The following BMP5 variants were observed in gnomAD, a reference collection of about 807,000 sequenced individuals.
BMP5 encodes bone morphogenetic protein 5.
BMP5 carries 23 observed loss-of-function variants against 46.6 expected under a neutral mutation model. That is an observed-to-expected ratio of 0.49 (90% CI 0.35 to 0.70). The LOEUF (loss-of-function observed/expected upper bound fraction) is 0.70. Among genes scored for constraint, BMP5 ranks in the 30% least tolerant of loss-of-function variants. BMP5 has a pLI of 0.00. For synonymous variants in BMP5, 204 were observed against 191.9 expected, an observed-to-expected ratio of 1.06 and a Z score of -0.52; for missense variants, 545 against 565.6, an observed-to-expected ratio of 0.96 and a Z score of 0.37.
At chr6:55,805,865 T>C (rs1386366794) in intron 2 of BMP5, among the ~76,000 whole-genome samples, 1 of 152,228 alleles carries the variant, frequency 6.6e-6, no homozygotes, top group Non-Finnish European at 1.5e-5. Flanking sequence ...CATAAATGTC[T>C]TCTTTTGAGA....
intron 1 of BMP5, among the ~76,000 whole-genome samples, chr6:55,832,147 C>A (rs1012696775): frequency 6.6e-6 from 1 of 152,200 alleles, no homozygotes; most frequent in Non-Finnish European, 1.5e-5. Flanking sequence ...ACAAGTAGCT[C>A]TCCTGACATG....
chr6:55,851,019 G>A (rs1777229687), intron 1 of BMP5, among the ~76,000 whole-genome samples: 1 of 152,062 alleles, frequency 6.6e-6, no homozygotes, highest in Admixed American at 6.6e-5. Context: ...CTAACAGACT[G>A]AATTTCTTAA....
chr6:55,767,240 C>T (rs894305065), intron 4 of BMP5, among the ~76,000 whole-genome samples: 8 of 151,858 alleles, frequency 5.3e-5, no homozygotes, highest in Admixed American at 3.9e-4. Context: ...ATCCTGTGAC[C>T]ACAGGTATGA....
chr6:55,837,353 A>AGATAGAT (rs1776833029), intron 1 of BMP5, among the ~76,000 whole-genome samples: 1 of 149,048 alleles, frequency 6.7e-6, no homozygotes, highest in African/African-American at 2.5e-5. Context: ...ATAGATAGAT[A>AGATAGAT]GATAGATAGA....
intron 2 of BMP5, among the ~76,000 whole-genome samples, chr6:55,806,544 C>G (rs1775994096): frequency 6.6e-6 from 1 of 152,134 alleles, no homozygotes; most frequent in Non-Finnish European, 1.5e-5. Flanking sequence ...AATGTCTTGG[C>G]TCTACAGACT....
chr6:55,783,859 A>T (rs1582061795), intron 3 of BMP5, among the ~76,000 whole-genome samples: 1 of 151,996 alleles, frequency 6.6e-6, no homozygotes, highest in African/African-American at 2.4e-5. Context: ...ACAGAAATAC[A>T]GATGTAGCCA....
chr6:55,798,282 G>C (rs558430548), intron 2 of BMP5, among the ~76,000 whole-genome samples: 13 of 152,258 alleles, frequency 8.5e-5, no homozygotes, highest in African/African-American at 2.6e-4. Flanking sequence ...TTCAACATCG[G>C]GGGAGAGGGC....
intron 1 of BMP5, among the ~76,000 whole-genome samples, chr6:55,854,464 A>G (rs1777336437): frequency 6.6e-6 from 1 of 151,906 alleles, no homozygotes; most frequent in South Asian, 2.1e-4. Context: ...TTCTTATTTT[A>G]TTGGCATTCA....
intron 2 of BMP5, among the ~76,000 whole-genome samples, chr6:55,812,852 T>A (rs922429075): frequency 1.1e-4 from 16 of 152,220 alleles, no homozygotes; most frequent in Non-Finnish European, 1.9e-4. Flanking sequence ...CAAATTGAAA[T>A]TCCATTTTAA....
At chr6:55,809,629 A>G (rs1011857826) in intron 2 of BMP5, among the ~76,000 whole-genome samples, 1 of 152,080 alleles carries the variant, frequency 6.6e-6, no homozygotes, top group Admixed American at 6.5e-5. Context: ...ACATATATAT[A>G]TGGAGAGAGA....
intron 4 of BMP5, among the ~76,000 whole-genome samples, chr6:55,763,755 A>G (rs1043831495): frequency 2.0e-5 from 3 of 152,170 alleles, no homozygotes; most frequent in Non-Finnish European, 2.9e-5. Context: ...TGTTATCAAT[A>G]ATATTTCTCT....
chr6:55,821,028 A>C (rs938774704), intron 1 of BMP5, among the ~76,000 whole-genome samples: 1 of 152,170 alleles, frequency 6.6e-6, no homozygotes, highest in Admixed American at 6.6e-5. Flanking sequence ...AAAATTGGAA[A>C]TCTTTAGAAG....
chr6:55,755,830 G>A, intron 6 of BMP5, 148 bp from the exon 7 acceptor site: 2 of 766,988 alleles, frequency 2.6e-6, no homozygotes, highest in Non-Finnish European at 4.3e-6. Flanking sequence ...ACTGGGGTGG[G>A]GGACTGAAGG....
chr6:55,801,944 C>T (rs1401569083), intron 2 of BMP5, among the ~76,000 whole-genome samples: 2 of 152,194 alleles, frequency 1.3e-5, no homozygotes, highest in African/African-American at 4.8e-5. Context: ...TTTGAAGACT[C>T]AGTTATGCCA....
chr6:55,760,203 T>C (rs1319702358), intron 5 of BMP5, among the ~76,000 whole-genome samples: 1 of 152,046 alleles, frequency 6.6e-6, no homozygotes, highest in Non-Finnish European at 1.5e-5. Context: ...CACTCTTTTT[T>C]TTCTTCCTAA....
chr6:55,822,121 T>A (rs1204358700), intron 1 of BMP5, among the ~76,000 whole-genome samples: 2 of 152,140 alleles, frequency 1.3e-5, no homozygotes, highest in African/African-American at 4.8e-5. Context: ...GGGGAATAAA[T>A]ACCTTACCAA....
chr6:55,807,115 G>T (rs1776009351), intron 2 of BMP5, among the ~76,000 whole-genome samples: 2 of 152,148 alleles, frequency 1.3e-5, no homozygotes, highest in Admixed American at 6.5e-5. Flanking sequence ...TGTTGAATAG[G>T]AATGGTGAGA....
chr6:55,755,241 T>G lies in BMP5; in HGVS notation c.*292A>C, dbSNP rs1462002441. 1 of 210,316 alleles carries G rather than the reference T, an allele frequency of 4.8e-6. No homozygotes were observed. Among genetic ancestry groups the G allele is most frequent in the Non-Finnish European group, 9.4e-6 (1 of 106,246 alleles). 13.0% of individuals were successfully genotyped at this position (210,316 alleles called of 1,614,324 possible). A position where few individuals can be genotyped will look rare whatever the true frequency, so the allele number is the denominator to read the frequency against. On this transcript the variant is annotated 3_prime_UTR_variant, in exon 7 of 7. Transcript: ENST00000370830. ...TATGTAAAATTGTATTAGAAAAAAA[T>G]GTTGAAATGGAATTGAATGGACTCA...
At chr6:55,759,171 A>AAAAAAAAAAAAAAAAAAAAAAAAAAAAAC (rs1582041162) in intron 5 of BMP5, 56 bp from the exon 6 acceptor site, 2 of 829,904 alleles carry the variant, frequency 2.4e-6, no homozygotes, top group Admixed American at 2.8e-5. Flanking sequence ...AAAAAAAAAA[A>AAAAAAAAAAAAAAAAAAAAAAAAAAAAAC]AAAAAAAAAA....
Sources: allele counts gnomAD v4.1 joint callset (sites outside exome capture counted in the v4.1 genomes callset), GRCh38; gene constraint gnomAD v4.1.1; transcripts MANE v1.5; gene names NCBI Gene and HGNC (gene_info 2026-07-23, HGNC 2026-07-21).